The following THAP5 variants were observed in gnomAD, a reference collection of about 807,000 sequenced individuals.
THAP5 encodes THAP domain containing 5, also known as THAP domain-containing protein 5.
A neutral mutation model predicts 34.0 loss-of-function variants in THAP5; 26 were observed. The observed-to-expected ratio is 0.77, with a 90% CI of 0.56 to 1.06. THAP5 has a LOEUF of 1.06. Among genes scored for constraint, THAP5 ranks in the 50% least tolerant of loss-of-function variants. The probability of loss-of-function intolerance (pLI) is 0.00; values close to 1 mark genes in which losing one functional copy is unlikely to be tolerated. For synonymous variants in THAP5, 125 were observed against 153.0 expected, an observed-to-expected ratio of 0.82 and a Z score of 1.35; for missense variants, 394 against 452.8, an observed-to-expected ratio of 0.87 and a Z score of 1.18.
chr7:108,559,949 A>G (rs937242146), downstream of THAP5, among the ~76,000 whole-genome samples: 1 of 152,196 alleles, frequency 6.6e-6, no homozygotes, highest in African/African-American at 2.4e-5. Context: ...AAGCCAAACC[A>G]TATCACTATT....
downstream of THAP5, among the ~76,000 whole-genome samples, chr7:108,551,038 G>GT (rs1236145843): frequency 1.3e-5 from 2 of 151,956 alleles, no homozygotes; most frequent in Non-Finnish European, 1.5e-5. Context: ...AGCTCTTTAC[G>GT]TTTTTATAAT....
chr7:108,541,913 C>A, the THAP5 span, among the ~76,000 whole-genome samples: 1 of 152,126 alleles, frequency 6.6e-6, no homozygotes, highest in African/African-American at 2.4e-5. Flanking sequence ...ACAGCTTAAC[C>A]CTTAAGTTAC....
At position 108,564,466 on chromosome 7, in the gene THAP5, C is replaced by G. The variant is rs371465892; in HGVS notation, c.913G>C (p.Asp305His). The G allele has an allele frequency of 6.2e-7, 1 of 1,613,772 alleles. No individual in the cohort carries two copies. The highest frequency in any genetic ancestry group is 8.5e-7 in the Non-Finnish European group (1 of 1,179,930). ...TAGTCTACATCCTTATACAAGGAGT[C>G]TTCAATGTCTGTGTCTTCCATTTCC... ...TTEMEDTDIE[D>H]SLYKDVDYGT... Residue 305 changes from aspartate to histidine, a missense_variant, in exon 3 of 3, where the codon GAC becomes CAC. Physicochemically the swap from Asp to His is moderately conservative, Grantham distance 81. Coordinates refer to ENST00000415914, the MANE Select transcript of THAP5 (RefSeq NM_001130475.3).
At chr7:108,559,835 A>G (rs1476943976), downstream of THAP5, among the ~76,000 whole-genome samples, 1 of 152,128 alleles carries the variant, frequency 6.6e-6, no homozygotes, top group Non-Finnish European at 1.5e-5. Context: ...TGATCATGAG[A>G]ACAGCATGGG....
intron 1 of THAP5, chr7:108,568,716 G>C (rs1193557786): frequency 6.5e-6 from 1 of 153,392 alleles, no homozygotes; most frequent in Non-Finnish European, 1.5e-5. Flanking sequence ...AATCATGTGA[G>C]TACTATTAAC....
rs1319754834 is a variant in THAP5, at chr7:108,569,555, G to C, written c.15C>G (p.Cys5Trp). 1 of 1,551,666 alleles carries C rather than the reference G, an allele frequency of 6.4e-7. No homozygotes were observed. The highest frequency in any genetic ancestry group is 2.0e-5 in the Admixed American group (1 of 50,998). The change falls in exon 1 of 3, where the codon TGC (cysteine) becomes TGG (tryptophan). Residue 5 changes from cysteine (C) to tryptophan (W), a missense_variant. Transcript: ENST00000415914. MPRY[C>W]AAICCKNRRG... Reference sequence around the variant, plus strand: ...GGCGGTTCTTACAACAAATCGCTGCGCAATAGCGGGGCATGACTCGGGTGA... The same window carrying C: ...GGCGGTTCTTACAACAAATCGCTGCCCAATAGCGGGGCATGACTCGGGTGA...
chr7:108,565,735 C>T, intron 2 of THAP5, 95 bp downstream of exon 2: 1 of 966,140 alleles, frequency 1.0e-6, no homozygotes. Flanking sequence ...TCTGTTTACC[C>T]AAGTTATAGT....
exon 2 of THAP5, chr7:108,554,667 C>T (rs1864374103): frequency 6.6e-6 from 1 of 152,214 alleles, no homozygotes; most frequent in Non-Finnish European, 1.5e-5. Flanking sequence ...CAAGTAGCCT[C>T]ATTTACCTGC....
Position 108,562,176 on chromosome 7 carries a change from A to T in THAP5, c.*2015T>A, listed in dbSNP as rs991639582. ...TATTAAAGAAATAAAGCTAGTTTAA[A>T]TTTTTTCTGAGGAACCTGTAACTTT... On this transcript the variant is annotated 3_prime_UTR_variant, in exon 3 of 3. Transcript: ENST00000415914. 7 of 152,156 alleles carry T rather than the reference A, an allele frequency of 4.6e-5. No individual in the cohort carries two copies. Among genetic ancestry groups the T allele is most frequent in the African/African-American group, 7.2e-5 (3 of 41,430 alleles). The allele number at this position is 152,156 out of a possible 1,614,324, so 9.4% of individuals were successfully genotyped here.
At chr7:108,544,689 C>T in the THAP5 span, among the ~76,000 whole-genome samples, 70 of 152,020 alleles carry the variant, frequency 4.6e-4, no homozygotes, top group Non-Finnish European at 8.8e-4. Context: ...CAGGGTCTCA[C>T]TCTGTCACCC....
downstream of THAP5, among the ~76,000 whole-genome samples, chr7:108,551,116 C>T (rs1864350924): frequency 6.6e-6 from 1 of 152,160 alleles, no homozygotes. Context: ...TCAGAAAGAA[C>T]ATGAACTATA....
chr7:108,568,529 A>C (rs1188501410), intron 1 of THAP5: 1 of 154,612 alleles, frequency 6.5e-6, no homozygotes, highest in Non-Finnish European at 1.5e-5. Context: ...TTTTCCATTA[A>C]TTAAAATACT....
At position 108,569,607 on chromosome 7, in the gene THAP5, G is replaced by C; in HGVS notation, c.-38C>G. On this transcript the variant is annotated 5_prime_UTR_variant, in exon 1 of 3. Transcript: ENST00000415914. Reference sequence around the variant, plus strand: ...GCCCCTGGAGACCGGGGCCGGCGACGGATGCAGGGCGGCCCTCCTCACTGA... The same window carrying C: ...GCCCCTGGAGACCGGGGCCGGCGACCGATGCAGGGCGGCCCTCCTCACTGA... 1 of 1,548,700 alleles carries C rather than the reference G, an allele frequency of 6.5e-7. No individual in the cohort carries two copies. The highest frequency in any genetic ancestry group is 8.7e-7 in the Non-Finnish European group (1 of 1,146,856).
At position 108,565,997 on chromosome 7, in the gene THAP5, GTCTT is replaced by G. The variant is rs1029734876; in HGVS notation, c.102_105del (p.Glu34AspfsTer6). Reference sequence around the variant, plus strand: ...TTCATATTCTTTAACCACTTTTCCAGTCTTTCTTTGTCATGTAGAGGAAATCTGG... The same window carrying G: ...TTCATATTCTTTAACCACTTTTCCAGTCTTTGTCATGTAGAGGAAATCTGG... On this transcript the variant is annotated frameshift_variant, in exon 2 of 3. Transcript: ENST00000415914. LOFTEE classifies it high-confidence loss of function. 81 of 1,528,600 alleles carry G rather than the reference GTCTT, an allele frequency of 5.3e-5. 2 individuals are homozygous for G. The highest frequency in any genetic ancestry group is 5.0e-5 in the South Asian group (4 of 79,380). 94.7% of individuals were successfully genotyped at this position (1,528,600 alleles called of 1,614,324 possible).
chr7:108,541,880 T>C, the THAP5 span, among the ~76,000 whole-genome samples: 2 of 152,202 alleles, frequency 1.3e-5, no homozygotes, highest in African/African-American at 4.8e-5. Flanking sequence ...AGCCAGCCCA[T>C]TATGTTTACC....
chr7:108,553,466 A>C (rs1484461371), downstream of THAP5, among the ~76,000 whole-genome samples: 1 of 152,166 alleles, frequency 6.6e-6, no homozygotes, highest in Non-Finnish European at 1.5e-5. Flanking sequence ...ATTTTGCCTA[A>C]TTCTGTCCAG....
intron 2 of THAP5, 173 bp from the exon 3 acceptor site, chr7:108,565,278 C>G: frequency 2.0e-6 from 1 of 489,472 alleles, no homozygotes; most frequent in East Asian, 3.2e-5. Context: ...TAATCCCATT[C>G]AATATACGGC....
chr7:108,547,995 A>C, the THAP5 span, among the ~76,000 whole-genome samples: 2 of 152,228 alleles, frequency 1.3e-5, no homozygotes, highest in African/African-American at 4.8e-5. Context: ...ATTTTAGAGG[A>C]TCCAATGAGC....
chr7:108,556,853 T>C (rs532119068), intron 1 of THAP5, among the ~76,000 whole-genome samples: 1 of 152,372 alleles, frequency 6.6e-6, no homozygotes, highest in East Asian at 1.9e-4. Context: ...GCTGCCTTAG[T>C]AGAGGTTCTC....
Sources: allele counts gnomAD v4.1 joint callset (sites outside exome capture counted in the v4.1 genomes callset), GRCh38; gene constraint gnomAD v4.1.1; transcripts MANE v1.5; gene names NCBI Gene and HGNC (gene_info 2026-07-23, HGNC 2026-07-21).